The following SGK1 variants were observed in gnomAD, a reference collection of about 807,000 sequenced individuals.
SGK1 encodes serine/threonine-protein kinase Sgk1.
SGK1 carries 26 observed loss-of-function variants against 64.2 expected under a neutral mutation model. That is an observed-to-expected ratio of 0.40 (90% confidence interval 0.30 to 0.56). The LOEUF is 0.56. Among genes scored for constraint, SGK1 ranks in the 20% least tolerant of loss-of-function variants. The pLI, the probability that SGK1 is intolerant of heterozygous loss-of-function variation, is 0.38. For synonymous variants in SGK1, 265 were observed against 239.7 expected, an observed-to-expected ratio of 1.11 and a Z score of -0.98; for missense variants, 519 against 645.6, an observed-to-expected ratio of 0.80 and a Z score of 2.12.
chr6:134,200,559 C>T (rs1582705936), intron 3 of SGK1, among the ~76,000 whole-genome samples: 1 of 152,278 alleles, frequency 6.6e-6, no homozygotes, highest in African/African-American at 2.4e-5. Context: ...TATTTAACTT[C>T]TATTTCTATC....
intron 3 of SGK1, among the ~76,000 whole-genome samples, chr6:134,179,494 C>CTT (rs5880206): frequency 0.32 from 40,979 of 128,082 alleles, 6,670 homozygotes; most frequent in Middle Eastern, 0.47. Context: ...AAAGGCATGT[C>CTT]TTTTTTTTTT....
chr6:134,262,823 CT>C (rs1776788229), intron 1 of SGK1, among the ~76,000 whole-genome samples: 1 of 151,886 alleles, frequency 6.6e-6, no homozygotes, highest in African/African-American at 2.4e-5. Context: ...AGGAGGACTG[CT>C]TTAGCCCAGG....
chr6:134,224,751 A>G (rs1743949), intron 2 of SGK1, among the ~76,000 whole-genome samples: 114,518 of 151,930 alleles, frequency 0.75, 44,315 homozygotes, highest in East Asian at 0.95. Flanking sequence ...GGCCAGGCGC[A>G]GTGTCTCACG....
At chr6:134,182,915 A>G (rs1042337090) in intron 3 of SGK1, among the ~76,000 whole-genome samples, 4 of 152,262 alleles carry the variant, frequency 2.6e-5, no homozygotes, top group Non-Finnish European at 4.4e-5. Context: ...TAGTGTGAAA[A>G]AAGTGGAGAG....
At chr6:134,183,501 C>T (rs560893035) in intron 3 of SGK1, among the ~76,000 whole-genome samples, 2 of 152,300 alleles carry the variant, frequency 1.3e-5, no homozygotes, top group South Asian at 2.1e-4. Context: ...TGATGGGCAG[C>T]GTTGCTGTAC....
intron 2 of SGK1, among the ~76,000 whole-genome samples, chr6:134,212,067 TG>T (rs67716719): frequency 6.7e-6 from 1 of 148,370 alleles, no homozygotes; most frequent in Non-Finnish European, 1.5e-5. Flanking sequence ...TTGTTTTTTT[TG>T]GGGGGGACGG....
At chr6:134,273,890 C>T (rs1056541302) in intron 1 of SGK1, among the ~76,000 whole-genome samples, 20 of 152,226 alleles carry the variant, frequency 1.3e-4, no homozygotes, top group Admixed American at 8.5e-4. Flanking sequence ...ACCTCCTGGG[C>T]TCCAGTGATT....
chr6:134,282,519 G>A (rs1417570989), intron 1 of SGK1, among the ~76,000 whole-genome samples: 1 of 151,648 alleles, frequency 6.6e-6, no homozygotes, highest in Non-Finnish European at 1.5e-5. Flanking sequence ...TGGGCATGGT[G>A]GCGCACACCT....
chr6:134,237,950 A>G (rs978301973), intron 2 of SGK1, among the ~76,000 whole-genome samples: 3 of 152,218 alleles, frequency 2.0e-5, no homozygotes, highest in African/African-American at 4.8e-5. Context: ...CATATGAGTC[A>G]CAAAATTTTA....
chr6:134,188,942 T>G (rs1256152998), intron 3 of SGK1, among the ~76,000 whole-genome samples: 4 of 142,018 alleles, frequency 2.8e-5, no homozygotes. Context: ...GACAGGGATC[T>G]CCTATGTTGC....
intron 3 of SGK1, among the ~76,000 whole-genome samples, chr6:134,178,678 T>A (rs1214437484): frequency 6.6e-6 from 1 of 152,230 alleles, no homozygotes; most frequent in African/African-American, 2.4e-5. Context: ...CTGGGAGAAC[T>A]TGCTCCATAT....
chr6:134,196,725 G>T (rs961401445), intron 3 of SGK1, among the ~76,000 whole-genome samples: 1 of 152,220 alleles, frequency 6.6e-6, no homozygotes, highest in African/African-American at 2.4e-5. Context: ...CTAAGATAGA[G>T]AAATTGATTT....
At chr6:134,181,062 C>G (rs1775323786) in intron 3 of SGK1, among the ~76,000 whole-genome samples, 1 of 152,154 alleles carries the variant, frequency 6.6e-6, no homozygotes, top group Non-Finnish European at 1.5e-5. Context: ...GCCTGGTCGG[C>G]CTCCTCTCCA....
chr6:134,191,853 T>TTTTTTTTTTTTTTTA (rs1775517553), intron 3 of SGK1, among the ~76,000 whole-genome samples: 1 of 140,600 alleles, frequency 7.1e-6, no homozygotes, highest in African/African-American at 2.7e-5. Flanking sequence ...TTTTTTTTTT[T>TTTTTTTTTTTTTTTA]GAGACAGAGT....
intron 3 of SGK1, chr6:134,174,926 A>T (rs1775173559): frequency 6.5e-7 from 1 of 1,527,696 alleles, no homozygotes; most frequent in African/African-American, 1.4e-5. Context: ...GGCCTGCGCG[A>T]CAGTGAGAAG....
intron 3 of SGK1, among the ~76,000 whole-genome samples, chr6:134,203,387 GA>G (rs1193623976): frequency 6.6e-6 from 1 of 152,140 alleles, no homozygotes; most frequent in African/African-American, 2.4e-5. Flanking sequence ...GAGAAGTCAG[GA>G]AAGGAAGAAT....
intron 2 of SGK1, among the ~76,000 whole-genome samples, chr6:134,252,324 G>T (rs1776617282): frequency 6.6e-6 from 1 of 152,146 alleles, no homozygotes. Context: ...TTAGCTTCCT[G>T]GTTATCAGGC....
intron 3 of SGK1, among the ~76,000 whole-genome samples, chr6:134,178,451 C>T (rs1215030452): frequency 2.6e-5 from 4 of 152,126 alleles, no homozygotes; most frequent in African/African-American, 9.7e-5. Context: ...GTGTGTGACG[C>T]GCGCCTGTTA....
intron 3 of SGK1, among the ~76,000 whole-genome samples, chr6:134,191,575 A>G (rs566166905): frequency 6.6e-6 from 1 of 152,332 alleles, no homozygotes; most frequent in South Asian, 2.1e-4. Context: ...TAAGTTCCAC[A>G]GTTAAGTCCA....
Sources: gnomAD v4.1 joint callset for allele counts (sites outside exome capture counted in the v4.1 genomes callset) on GRCh38, gnomAD v4.1.1 for gene constraint, MANE v1.5 for transcripts, NCBI Gene and HGNC (gene_info 2026-07-23, HGNC 2026-07-21) for gene names.